The following SAMMSON variants were observed in gnomAD, a reference collection of about 807,000 sequenced individuals.
The protein encoded by SAMMSON is survival associated mitochondrial melanoma specific oncogenic non-coding RNA.
chr3:70,073,263 T>C (rs960870718), intron 4 of SAMMSON, among the ~76,000 whole-genome samples: 1 of 152,052 alleles, frequency 6.6e-6, no homozygotes, highest in Non-Finnish European at 1.5e-5. Flanking sequence ...TCTATCCTTA[T>C]AGTCTTAGGT....
intron 6 of SAMMSON, among the ~76,000 whole-genome samples, chr3:70,290,813 AC>A (rs1702230092): frequency 6.6e-6 from 1 of 152,016 alleles, no homozygotes; most frequent in African/African-American, 2.4e-5. Flanking sequence ...GGTGGGAGTG[AC>A]CCGATTTTCC....
chr3:70,018,454 A>C (rs943509448), intron 3 of SAMMSON, among the ~76,000 whole-genome samples: 1 of 151,972 alleles, frequency 6.6e-6, no homozygotes, highest in Non-Finnish European at 1.5e-5. Flanking sequence ...TATTGCGTCT[A>C]TTTGATTCTT....
chr3:70,125,632 A>G lies in SAMMSON; in HGVS notation n.507+54067A>G, dbSNP rs1427939267. On this transcript the variant is annotated intron_variant and non_coding_transcript_variant, in intron 4 of 9. Transcript: ENST00000642114. ...TAAATCTTTCTTAAATGCAGCTGGC[A>G]TGTCGGTAGATATATGGAATTCAAT... The G allele has an allele frequency of 1.7e-5, 12 of 699,358 alleles. No individual in the cohort carries two copies. The African/African-American group carries it at 2.1e-4, about 12-fold the overall frequency. 43.3% of individuals were successfully genotyped at this position (699,358 alleles called of 1,614,324 possible).
chr3:70,334,570 G>T (rs2106724382), intron 7 of SAMMSON, among the ~76,000 whole-genome samples: 1 of 152,082 alleles, frequency 6.6e-6, no homozygotes, highest in South Asian at 2.1e-4. Flanking sequence ...TCTTTAATAT[G>T]TAATTATTAT....
chr3:70,079,465 G>T (rs979991333), intron 4 of SAMMSON, among the ~76,000 whole-genome samples: 2 of 152,150 alleles, frequency 1.3e-5, no homozygotes, highest in African/African-American at 2.4e-5. Flanking sequence ...TTGACTTCAC[G>T]ATGGTGTGAA....
At chr3:70,364,983 TA>T (rs1258415862) in intron 9 of SAMMSON, among the ~76,000 whole-genome samples, 18 of 151,906 alleles carry the variant, frequency 1.2e-4, no homozygotes, top group Non-Finnish European at 1.6e-4. Flanking sequence ...TTTGTCACAT[TA>T]TTTTTTTTTC....
intron 7 of SAMMSON, among the ~76,000 whole-genome samples, chr3:70,331,473 A>G (rs1423198402): frequency 6.6e-6 from 1 of 152,194 alleles, no homozygotes; most frequent in African/African-American, 2.4e-5. Flanking sequence ...AATCCAATTT[A>G]TTCAATCTAT....
intron 4 of SAMMSON, chr3:70,159,751 G>A (rs894169044): frequency 2.0e-5 from 3 of 151,942 alleles, no homozygotes; most frequent in African/African-American, 7.3e-5. Flanking sequence ...TGGAGGCGGG[G>A]TTTCACCATG....
At chr3:70,371,528 TG>T (rs553339704) in intron 9 of SAMMSON, among the ~76,000 whole-genome samples, 9 of 152,088 alleles carry the variant, frequency 5.9e-5, no homozygotes, top group Admixed American at 2.0e-4. Flanking sequence ...CTTTTTTTGT[TG>T]TTTTTGTTTT....
chr3:70,336,251 T>C (rs1325597391), intron 7 of SAMMSON, among the ~76,000 whole-genome samples: 2 of 151,970 alleles, frequency 1.3e-5, no homozygotes, highest in Non-Finnish European at 2.9e-5. Context: ...TTAAGTTCTA[T>C]GAAAGAGAAC....
intron 3 of SAMMSON, among the ~76,000 whole-genome samples, chr3:70,028,185 TCCTTTCTTTCTTTCTTTCTC>T (rs1387270437): frequency 7.0e-6 from 1 of 143,216 alleles, no homozygotes; most frequent in Non-Finnish European, 1.5e-5. Context: ...CTTCCTTCCT[TCCTTTCTTTCTTTCTTTCTC>T]TCTTTCTTTC....
chr3:70,195,050 G>T (rs1327793279), intron 4 of SAMMSON, among the ~76,000 whole-genome samples: 25 of 152,144 alleles, frequency 1.6e-4, no homozygotes, highest in Admixed American at 1.4e-3. Context: ...ATTGGGTAGT[G>T]CAGGTAGTCA....
chr3:70,088,322 G>A (rs1382093330), intron 4 of SAMMSON, among the ~76,000 whole-genome samples: 3 of 152,166 alleles, frequency 2.0e-5, no homozygotes, highest in Admixed American at 6.5e-5. Context: ...ATGGAGCAGG[G>A]ACTAGGTTAG....
intron 6 of SAMMSON, among the ~76,000 whole-genome samples, chr3:70,274,301 A>G (rs1203990416): frequency 6.6e-6 from 1 of 152,086 alleles, no homozygotes; most frequent in Non-Finnish European, 1.5e-5. Flanking sequence ...TTGCAGATAA[A>G]TTATCACTTA....
intron 7 of SAMMSON, among the ~76,000 whole-genome samples, chr3:70,291,466 G>A (rs994012534): frequency 2.6e-5 from 4 of 152,156 alleles, no homozygotes; most frequent in African/African-American, 9.7e-5. Flanking sequence ...CTAGAATCTT[G>A]TCTATAGCTC....
intron 7 of SAMMSON, among the ~76,000 whole-genome samples, chr3:70,343,253 A>G (rs534583928): frequency 7.9e-5 from 12 of 152,216 alleles, no homozygotes; most frequent in African/African-American, 2.9e-4. Context: ...TAAAATTCAT[A>G]CTTTATTCAT....
chr3:70,130,919 A>G (rs190921931), intron 4 of SAMMSON, among the ~76,000 whole-genome samples: 57 of 152,306 alleles, frequency 3.7e-4, no homozygotes, highest in Middle Eastern at 3.4e-3. Context: ...TGCAGAATCT[A>G]TGAGTACAAT....
Position 70,146,475 on chromosome 3 carries a change from G to T in SAMMSON, n.507+74910G>T, listed in dbSNP as rs534388723. On this transcript the variant is annotated intron_variant and non_coding_transcript_variant, in intron 4 of 9. Coordinates refer to ENST00000642114, the Ensembl canonical transcript of SAMMSON. ...AAAATTAATACACCATGACCAAGTG[G>T]GATTTATTCTGGTACTGCAAGGCTG... 2.0e-5 allele frequency among the ~76,000 whole-genome samples: 3 copies of T among 151,870 alleles called. No individual in the cohort carries two copies. In the East Asian group the frequency reaches 5.8e-4, roughly 29 times the overall value.
intron 9 of SAMMSON, among the ~76,000 whole-genome samples, chr3:70,362,298 A>G (rs1185691155): frequency 6.6e-6 from 1 of 152,192 alleles, no homozygotes; most frequent in Non-Finnish European, 1.5e-5. Context: ...TTGATCTAAT[A>G]GGTAAAGTCA....
Sources: gnomAD v4.1 joint callset for allele counts (sites outside exome capture counted in the v4.1 genomes callset) on GRCh38, gnomAD v4.1.1 for gene constraint, MANE v1.5 for transcripts, NCBI Gene and HGNC (gene_info 2026-07-23, HGNC 2026-07-21) for gene names.